TMEM131L: variants seen among roughly 807,000 people sequenced by gnomAD.
The protein encoded by TMEM131L is transmembrane 131 like.
Under a neutral mutation model 192.2 loss-of-function variants are expected in TMEM131L, and 54 were observed. The observed-to-expected ratio is 0.28, with a 90% CI of 0.23 to 0.35. The LOEUF (loss-of-function observed/expected upper bound fraction) is 0.35, where lower values mean the gene tolerates loss of function less well. TMEM131L is among the 10% of genes least tolerant of loss of function. The pLI is 1.00. For missense variants in TMEM131L, 1,888 were observed against 1,972.9 expected (o/e 0.96, Z 0.82); for synonymous variants, 701 against 704.9 (o/e 0.99, Z 0.09).
chr4:153,624,365 C>T (rs578086582), intron 29 of TMEM131L, among the ~76,000 whole-genome samples: 64 of 152,290 alleles, frequency 4.2e-4, no homozygotes, highest in Non-Finnish European at 6.2e-4. Context: ...GTGATCTGCC[C>T]GCCTTGGCCT....
intron 4 of TMEM131L, among the ~76,000 whole-genome samples, chr4:153,552,558 C>T (rs757744239): frequency 3.4e-4 from 51 of 152,094 alleles, no homozygotes; most frequent in Non-Finnish European, 5.9e-4. Context: ...AGGCCGGGCA[C>T]GGTGGTTTAT....
At position 153,604,370 on chromosome 4, in the gene TMEM131L, C is replaced by T. The variant is rs1479504576; in HGVS notation, c.3358C>T (p.Pro1120Ser). 2 of 1,613,536 alleles carry T rather than the reference C, an allele frequency of 1.2e-6. No homozygotes were observed. The highest frequency in any genetic ancestry group is 1.1e-5 in the South Asian group (1 of 90,914). The part of the protein sequence containing the change: ...TSKKLPENHL[P>S]RNSPQYHQPD... ...CAAGAAACTACCTGAAAACCATTTA[C>T]CAAGAAACTCACCTCAGTACCACCA... is the stretch of plus-strand genomic sequence containing the variant. The change falls in exon 25 of 35, where the codon CCA (proline) becomes TCA (serine). Residue 1120 changes from proline to serine, a missense_variant. By Grantham distance (74) the Pro-to-Ser change is moderately conservative. Transcript: ENST00000409959.
chr4:153,501,382 A>G (rs1021101835), intron 3 of TMEM131L, among the ~76,000 whole-genome samples: 4 of 151,938 alleles, frequency 2.6e-5, no homozygotes, highest in South Asian at 2.1e-4. Flanking sequence ...TTGTATTTTT[A>G]GGAGAGACAG....
chr4:153,598,620 C>G lies in TMEM131L; in HGVS notation c.2154C>G (p.Gly718=). 6.2e-7 allele frequency: 1 copy of G among 1,613,518 alleles called. No individual in the cohort carries two copies. The highest frequency in any genetic ancestry group is 8.5e-7 in the Non-Finnish European group (1 of 1,179,630). ...ACTTGACTGTTATTGACATGATTGG[C>G]GTGGAAGGATTTGGAGCAAGAGAGT... ...RNNLTVIDMI[G]VEGFGARELL... The change falls in exon 21 of 35, where the codon GGC becomes GGG. Residue 718 remains glycine (G), a synonymous_variant. Coordinates refer to ENST00000409959, the MANE Select transcript of TMEM131L (RefSeq NM_001131007.2).
chr4:153,560,985 C>T (rs1728809003), intron 7 of TMEM131L, among the ~76,000 whole-genome samples: 1 of 152,204 alleles, frequency 6.6e-6, no homozygotes. Context: ...GTGGTTGCAT[C>T]ATTTTACAAT....
chr4:153,594,241 AAAT>A (rs1561224522), intron 19 of TMEM131L, among the ~76,000 whole-genome samples: 2 of 151,834 alleles, frequency 1.3e-5, no homozygotes, highest in Non-Finnish European at 2.9e-5. Context: ...ACATTAAAAA[AAAT>A]CTTCTCTTAC....
intron 3 of TMEM131L, among the ~76,000 whole-genome samples, chr4:153,504,360 A>G (rs543435977): frequency 1.7e-5 from 2 of 119,626 alleles, no homozygotes; most frequent in East Asian, 5.1e-4. Flanking sequence ...GCTCACTGCA[A>G]CCTCCACCTT....
intron 3 of TMEM131L, among the ~76,000 whole-genome samples, chr4:153,533,231 C>T (rs945423787): frequency 6.6e-6 from 1 of 152,130 alleles, no homozygotes; most frequent in Admixed American, 6.5e-5. Context: ...TTTATCCACC[C>T]GCCTTGGCCT....
rs150530074 is a variant in TMEM131L at position 153,567,285 on chromosome 4, T to A, written c.660+8917T>A. On this transcript the variant is annotated intron_variant, in intron 7 of 34. Transcript: ENST00000409959. ...GAGCTGTCCCATTTTCCTGATAGTC[T>A]TACATAATTAGTTAAATGGAATAAA... Among the ~76,000 whole-genome samples the A allele has an allele frequency of 3.9e-5, 6 of 152,334 alleles. No individual in the cohort carries two copies. In the East Asian group the frequency reaches 1.2e-3, roughly 29 times the overall value.
At chr4:153,580,028 C>G (rs539432873) in intron 7 of TMEM131L, among the ~76,000 whole-genome samples, 45 of 152,258 alleles carry the variant, frequency 3.0e-4, no homozygotes, top group African/African-American at 1.1e-3. Context: ...GTACCTTTTT[C>G]TAATCACTAT....
chr4:153,493,956 G>T (rs1393953966), intron 3 of TMEM131L, among the ~76,000 whole-genome samples: 1 of 152,160 alleles, frequency 6.6e-6, no homozygotes, highest in Non-Finnish European at 1.5e-5. Context: ...TCCTGATCTG[G>T]CTGACACCGT....
chr4:153,577,996 G>A (rs1018506797), intron 7 of TMEM131L, among the ~76,000 whole-genome samples: 2 of 152,172 alleles, frequency 1.3e-5, no homozygotes, highest in East Asian at 3.9e-4. Context: ...AGAGGGCATA[G>A]GCAGCATCCA....
chr4:153,573,169 A>G (rs1256382364), intron 7 of TMEM131L, among the ~76,000 whole-genome samples: 1 of 152,188 alleles, frequency 6.6e-6, no homozygotes, highest in South Asian at 2.1e-4. Flanking sequence ...CCCTGCTGTC[A>G]CTTTTGAGTG....
intron 3 of TMEM131L, among the ~76,000 whole-genome samples, chr4:153,548,858 C>T (rs932945313): frequency 6.6e-6 from 1 of 151,944 alleles, no homozygotes; most frequent in Middle Eastern, 3.2e-3. Context: ...AGCCTGTTGG[C>T]CAGCAGGTTT....
At chr4:153,594,090 T>G (rs569398354) in intron 19 of TMEM131L, among the ~76,000 whole-genome samples, 2 of 152,192 alleles carry the variant, frequency 1.3e-5, no homozygotes, top group African/African-American at 2.4e-5. Flanking sequence ...ATTTGATTAT[T>G]TAGAATCATG....
chr4:153,556,589 C>T (rs574739282), intron 5 of TMEM131L, among the ~76,000 whole-genome samples: 29 of 152,092 alleles, frequency 1.9e-4, no homozygotes, highest in South Asian at 4.1e-4. Flanking sequence ...TCTGGGTAAA[C>T]GTTGTTCCTG....
chr4:153,482,056 A>C (rs1561117729), intron 3 of TMEM131L, among the ~76,000 whole-genome samples: 1 of 151,724 alleles, frequency 6.6e-6, no homozygotes, highest in African/African-American at 2.4e-5. Context: ...CATGTTGGAT[A>C]AATGGTCTTG....
intron 3 of TMEM131L, among the ~76,000 whole-genome samples, chr4:153,482,949 A>G (rs28367518): frequency 0.017 from 2,576 of 152,332 alleles, 81 homozygotes; most frequent in African/African-American, 0.058. Context: ...CAGGGTGATT[A>G]GGTTCGTATT....
At chr4:153,562,466 A>G (rs770744316) in intron 7 of TMEM131L, among the ~76,000 whole-genome samples, 85 of 152,210 alleles carry the variant, frequency 5.6e-4, no homozygotes, top group African/African-American at 1.8e-3. Context: ...AATTGCATAC[A>G]TTATGTGAGT....
Sources: gnomAD v4.1 joint callset for allele counts (sites outside exome capture counted in the v4.1 genomes callset) on GRCh38, gnomAD v4.1.1 for gene constraint, MANE v1.5 for transcripts, NCBI Gene and HGNC (gene_info 2026-07-23, HGNC 2026-07-21) for gene names.